The following NBPF9 variants were observed in gnomAD, a reference collection of about 807,000 sequenced individuals.
The protein encoded by NBPF9 is NBPF member 9, also known as NBPF family member NBPF9.
Under a neutral mutation model 97.8 loss-of-function variants are expected in NBPF9, and 91 were observed. The ratio of observed to expected loss-of-function variants is 0.93; its 90% confidence interval spans 0.79 to 1.11. The LOEUF (loss-of-function observed/expected upper bound fraction) is 1.11, where lower values mean the gene tolerates loss of function less well. Among genes scored for constraint, NBPF9 ranks in the 50% least tolerant of loss-of-function variants. The probability of loss-of-function intolerance (pLI) is 0.00; values close to 1 mark genes in which losing one functional copy is unlikely to be tolerated. For missense variants in NBPF9, 992 were observed against 939.5 expected (o/e 1.06, Z -0.73); for synonymous variants, 334 against 359.5 (o/e 0.93, Z 0.80).
intron 21 of NBPF9, 21 bp from the exon 22 acceptor site, chr1:149,062,286 A>G (rs1553650276): frequency 3.1e-6 from 2 of 651,538 alleles, no homozygotes; most frequent in East Asian, 2.7e-5. Flanking sequence ...AGGAAAAAGT[A>G]AAGAATAAGC....
chr1:149,055,888 A>G (rs782404102), exon 30 of NBPF9: 18 of 1,611,410 alleles, frequency 1.1e-5, no homozygotes, highest in Non-Finnish European at 1.4e-5. Flanking sequence ...TTCCATCAGC[A>G]CGCCGTTGAG....
chr1:149,075,353 A>T (rs2079766877), intron 12 of NBPF9, among the ~76,000 whole-genome samples: 1 of 152,230 alleles, frequency 6.6e-6, no homozygotes. Flanking sequence ...TATGGTAGAG[A>T]GGATTCTTGA....
intron 7 of NBPF9, among the ~76,000 whole-genome samples, 184 bp downstream of exon 7, chr1:149,081,781 A>G (rs1378191379): frequency 2.3e-5 from 3 of 131,048 alleles, no homozygotes; most frequent in Non-Finnish European, 4.8e-5. Flanking sequence ...GCAAACATGG[A>G]AAGTTGCTAA....
intron 20 of NBPF9, 102 bp downstream of exon 20, chr1:149,063,531 G>T: frequency 1.4e-6 from 1 of 699,150 alleles, no homozygotes; most frequent in Non-Finnish European, 2.6e-6. Context: ...CCTCCCTGTG[G>T]CAATGACATC....
exon 1 of NBPF9, chr1:149,103,479 C>T (rs587649959): frequency 6.6e-6 from 1 of 152,336 alleles, no homozygotes; most frequent in African/African-American, 2.4e-5. Context: ...CTCCCAATAT[C>T]GCCGCTGTCT....
chr1:149,079,352 G>A, intron 8 of NBPF9, 131 bp from the exon 9 acceptor site: 4 of 936,000 alleles, frequency 4.3e-6, no homozygotes, highest in East Asian at 2.5e-5. Flanking sequence ...ATGTTGAAAG[G>A]AATGTCTGTG....
At chr1:149,100,875 A>G (rs1439268746) in intron 3 of NBPF9, among the ~76,000 whole-genome samples, 2 of 151,714 alleles carry the variant, frequency 1.3e-5, no homozygotes, top group Non-Finnish European at 2.9e-5. Flanking sequence ...TGGAGGTTGC[A>G]GTGAGCTGAG....
Position 149,080,018 on chromosome 1 carries a change from C to T in NBPF9, c.278+35G>A, listed in dbSNP as rs781952743. The T allele has an allele frequency of 5.1e-6, 8 of 1,559,394 alleles. No homozygotes were observed. The Admixed American group carries it at 8.3e-5, about 16-fold the overall frequency. ...TGCTGTACTTCAGAGATCTACACACCTACCCGCCTGCCTCCCCCCACGGGG... is the reference window on the plus strand; with the variant it reads ...TGCTGTACTTCAGAGATCTACACACTTACCCGCCTGCCTCCCCCCACGGGG... On this transcript the variant is annotated intron_variant, in intron 8 of 29. Coordinates refer to ENST00000584027, the Ensembl canonical transcript of NBPF9.
At chr1:149,078,902 G>C (rs1364431421) in intron 9 of NBPF9, 105 bp downstream of exon 9, 2 of 1,589,402 alleles carry the variant, frequency 1.3e-6, no homozygotes, top group East Asian at 2.2e-5. Flanking sequence ...CATATGTGTA[G>C]CAGAAAAAAA....
intron 18 of NBPF9, 110 bp from the exon 19 acceptor site, chr1:149,064,592 A>G: frequency 1.5e-6 from 1 of 689,172 alleles, no homozygotes; most frequent in Non-Finnish European, 2.6e-6. Flanking sequence ...TCAGTGTGAG[A>G]ACAGGAGACT....
chr1:149,086,286 A>G (rs1465184610), intron 5 of NBPF9, among the ~76,000 whole-genome samples: 7 of 151,982 alleles, frequency 4.6e-5, no homozygotes, highest in African/African-American at 1.4e-4. Flanking sequence ...AGGAAAAAAA[A>G]AAAAAAGAAG....
At chr1:149,083,095 A>C (rs2152911294) in intron 5 of NBPF9, among the ~76,000 whole-genome samples, 1 of 150,430 alleles carries the variant, frequency 6.6e-6, no homozygotes, top group Admixed American at 6.7e-5. Flanking sequence ...GGCGTGAGCC[A>C]CCGCGCCCGG....
At chr1:149,076,515 T>C (rs2079886518) in intron 11 of NBPF9, among the ~76,000 whole-genome samples, 1 of 149,230 alleles carries the variant, frequency 6.7e-6, no homozygotes, top group Non-Finnish European at 1.5e-5. Flanking sequence ...ATTTTTTTTT[T>C]TTTTTGAGAT....
intron 16 of NBPF9, among the ~76,000 whole-genome samples, chr1:149,070,552 T>C (rs2079322845): frequency 6.7e-6 from 1 of 150,278 alleles, no homozygotes. Flanking sequence ...GAACGATATT[T>C]CCAAAAACAA....
chr1:149,097,570 T>C (rs1262493743), intron 4 of NBPF9, among the ~76,000 whole-genome samples: 4 of 148,678 alleles, frequency 2.7e-5, no homozygotes, highest in African/African-American at 1.0e-4. Context: ...CATTTGTCAT[T>C]CTCACTGGAC....
intron 12 of NBPF9, among the ~76,000 whole-genome samples, chr1:149,075,074 T>A (rs1553653955): frequency 6.6e-6 from 1 of 151,414 alleles, no homozygotes; most frequent in Non-Finnish European, 1.5e-5. Context: ...CCTCCCAAAG[T>A]GCTGGGATTA....
chr1:149,056,484 T>C (rs1553649020), intron 29 of NBPF9, 28 bp downstream of exon 29: 2 of 57,544 alleles, frequency 3.5e-5, no homozygotes, highest in African/African-American at 5.2e-4. Flanking sequence ...TAACACAGAA[T>C]TAAGCATCCA....
At chr1:149,072,691 G>T (rs782570651) in intron 14 of NBPF9, 27 bp downstream of exon 14, 1 of 1,611,382 alleles carries the variant, frequency 6.2e-7, no homozygotes, top group South Asian at 1.1e-5. Context: ...TGGGGTTTTG[G>T]GTCAACAGGG....
At chr1:149,055,822 G>A (rs79474112) in exon 30 of NBPF9, 41 of 1,606,524 alleles carry the variant, frequency 2.6e-5, no homozygotes, top group Admixed American at 3.3e-5. Context: ...AAAGTACATT[G>A]ACGGAGTAGA....
Sources: allele counts gnomAD v4.1 joint callset (sites outside exome capture counted in the v4.1 genomes callset), GRCh38; gene constraint gnomAD v4.1.1; transcripts MANE v1.5; gene names NCBI Gene and HGNC (gene_info 2026-07-23, HGNC 2026-07-21).